GPATCH2: variants seen among roughly 807,000 people sequenced by gnomAD.
GPATCH2 encodes G-patch domain containing 2.
In GPATCH2, 51 loss-of-function variants were observed where a neutral mutation model predicts 58.0. The observed-to-expected ratio is 0.88, with a 90% CI of 0.70 to 1.11. GPATCH2 has a LOEUF of 1.11. Among genes scored for constraint, GPATCH2 ranks in the 50% most tolerant of loss-of-function variants. The probability of loss-of-function intolerance (pLI) is 0.00; values close to 1 mark genes in which losing one functional copy is unlikely to be tolerated. For synonymous variants in GPATCH2, 222 were observed against 218.5 expected (o/e 1.02, Z -0.14); for missense variants, 625 against 652.2 (o/e 0.96, Z 0.45).
At chr1:217,531,334 C>T (rs561819834) in intron 5 of GPATCH2, among the ~76,000 whole-genome samples, 1 of 152,268 alleles carries the variant, frequency 6.6e-6, no homozygotes, top group African/African-American at 2.4e-5. Flanking sequence ...TACAGTGAAA[C>T]ATGTGCTGAA....
At chr1:217,536,841 G>A (rs963741241) in intron 5 of GPATCH2, among the ~76,000 whole-genome samples, 16 of 152,254 alleles carry the variant, frequency 1.1e-4, no homozygotes, top group Admixed American at 9.2e-4. Flanking sequence ...GCCGGGCGTG[G>A]TGGTGCATAC....
chr1:217,488,863 T>A (rs1374272337), intron 8 of GPATCH2, among the ~76,000 whole-genome samples: 2 of 114,260 alleles, frequency 1.8e-5, no homozygotes, highest in Admixed American at 7.7e-5. Context: ...TATTTAAAAT[T>A]TTTTTTTTTT....
intron 5 of GPATCH2, among the ~76,000 whole-genome samples, chr1:217,538,183 A>G (rs1664568845): frequency 1.3e-5 from 2 of 152,206 alleles, no homozygotes; most frequent in Non-Finnish European, 2.9e-5. Context: ...AAGGCATGAT[A>G]TATTCGTTCA....
intron 5 of GPATCH2, 31 bp from the exon 6 acceptor site, chr1:217,514,920 T>C (rs777561076): frequency 9.2e-7 from 1 of 1,083,160 alleles, no homozygotes; most frequent in Non-Finnish European, 1.4e-6. Flanking sequence ...AAAAAATAAA[T>C]TTCAGATTTG....
chr1:217,589,082 T>C (rs2102762641), intron 5 of GPATCH2, among the ~76,000 whole-genome samples: 1 of 152,228 alleles, frequency 6.6e-6, no homozygotes, highest in South Asian at 2.1e-4. Context: ...GTGGGGCCGA[T>C]CATTTCAACA....
At chr1:217,550,592 T>TA (rs999323642) in intron 5 of GPATCH2, among the ~76,000 whole-genome samples, 17 of 151,630 alleles carry the variant, frequency 1.1e-4, no homozygotes, top group Admixed American at 5.3e-4. Flanking sequence ...CTAGTTGGTT[T>TA]AAAAAAAAGA....
intron 6 of GPATCH2, among the ~76,000 whole-genome samples, chr1:217,513,483 C>CA (rs1662956892): frequency 6.6e-6 from 1 of 152,226 alleles, no homozygotes; most frequent in African/African-American, 2.4e-5. Flanking sequence ...TTGCTTGCCA[C>CA]AAAAAATTTA....
intron 5 of GPATCH2, among the ~76,000 whole-genome samples, chr1:217,587,866 A>T (rs1667413857): frequency 6.6e-6 from 1 of 152,192 alleles, no homozygotes. Flanking sequence ...GTATTATGAA[A>T]GACTCAAAAC....
At chr1:217,492,741 G>C (rs1190847922) in intron 7 of GPATCH2, 1 of 152,110 alleles carries the variant, frequency 6.6e-6, no homozygotes, top group Non-Finnish European at 1.5e-5. Context: ...GCTACTGTGA[G>C]TATTAAGTAA....
At chr1:217,539,961 C>T (rs1664656166) in intron 5 of GPATCH2, among the ~76,000 whole-genome samples, 1 of 152,066 alleles carries the variant, frequency 6.6e-6, no homozygotes, top group Non-Finnish European at 1.5e-5. Flanking sequence ...TTTATCATAA[C>T]CACTTAGTTT....
rs775639567 is a variant in GPATCH2, at chr1:217,498,408, GA to G, written c.1167-14del. On this transcript the variant is annotated splice_polypyrimidine_tract_variant and intron_variant, in intron 6 of 9. Transcript: ENST00000366935. The stretch of plus-strand genomic sequence containing the variant: ...GCTAAACCAATGGCTGCAGAGGAAA[GA>G]AAAAGGCAGTTAGAGGGAACCTAAC... 7 of 1,609,644 alleles carry G rather than the reference GA, an allele frequency of 4.3e-6. No individual in the cohort carries two copies. The East Asian group carries it at 8.9e-5, about 20-fold the overall frequency.
intron 5 of GPATCH2, among the ~76,000 whole-genome samples, chr1:217,588,994 A>T (rs1290528308): frequency 6.6e-6 from 1 of 152,174 alleles, no homozygotes; most frequent in Non-Finnish European, 1.5e-5. Flanking sequence ...TTTTTAGGAC[A>T]TTTTCATCGA....
chr1:217,564,058 A>C (rs1220296171), intron 5 of GPATCH2, among the ~76,000 whole-genome samples: 1 of 151,478 alleles, frequency 6.6e-6, no homozygotes, highest in Non-Finnish European at 1.5e-5. Flanking sequence ...AAAAAAAAAA[A>C]AAAAAAAAAA....
At chr1:217,626,716 T>C (rs572707917) in intron 1 of GPATCH2, among the ~76,000 whole-genome samples, 3 of 152,270 alleles carry the variant, frequency 2.0e-5, no homozygotes, top group Admixed American at 2.0e-4. Context: ...ATGTCTTCAA[T>C]TTTCTCCTTT....
chr1:217,491,860 G>T, intron 7 of GPATCH2, 110 bp from the exon 8 acceptor site: 1 of 388,428 alleles, frequency 2.6e-6, no homozygotes. Flanking sequence ...TTATTTGCAC[G>T]GCTTTTTTTT....
At chr1:217,557,242 A>C (rs1665680965) in intron 5 of GPATCH2, among the ~76,000 whole-genome samples, 4 of 152,042 alleles carry the variant, frequency 2.6e-5, no homozygotes. Flanking sequence ...CCCCGTCTCT[A>C]CTAAAAATAC....
At chr1:217,472,862 C>G (rs1287861040) in intron 8 of GPATCH2, among the ~76,000 whole-genome samples, 3 of 152,184 alleles carry the variant, frequency 2.0e-5, no homozygotes, top group Non-Finnish European at 2.9e-5. Context: ...AAAGAATGTA[C>G]AGAGAGAGGA....
rs141172925 is a variant in GPATCH2, at chr1:217,571,289, A to T, written c.1098+39032T>A. Among the ~76,000 whole-genome samples, 538 of 152,310 alleles carry T rather than the reference A, an allele frequency of 3.5e-3. 2 individuals carry two copies. The highest frequency in any genetic ancestry group is 0.012 in the African/African-American group (514 of 41,576). ...CTAGAGGAAAGGAAAACTGACCTCA[A>T]CATAAGTTTGTGTAAATTGAGTTTT... On this transcript the variant is annotated intron_variant, in intron 5 of 9. Coordinates refer to ENST00000366935, the MANE Select transcript of GPATCH2 (RefSeq NM_018040.5).
At chr1:217,575,042 T>C (rs921841143) in intron 5 of GPATCH2, among the ~76,000 whole-genome samples, 4 of 152,156 alleles carry the variant, frequency 2.6e-5, no homozygotes, top group African/African-American at 9.7e-5. Flanking sequence ...TTTAGGTCTA[T>C]GGCAACCTTT....
Sources: allele counts gnomAD v4.1 joint callset (sites outside exome capture counted in the v4.1 genomes callset), GRCh38; gene constraint gnomAD v4.1.1; transcripts MANE v1.5; gene names NCBI Gene and HGNC (gene_info 2026-07-23, HGNC 2026-07-21).